The following RASAL2 variants were observed in gnomAD, a reference collection of about 807,000 sequenced individuals.
The protein encoded by RASAL2 is RAS protein activator like 2.
Under a neutral mutation model 128.9 loss-of-function variants are expected in RASAL2, and 58 were observed. The ratio of observed to expected loss-of-function variants is 0.45; its 90% CI spans 0.36 to 0.56. RASAL2 has a LOEUF of 0.56. RASAL2 is among the 20% of genes least tolerant of loss of function. The pLI is 0.00. For missense variants in RASAL2, 1,360 were observed against 1,601.6 expected (o/e 0.85, Z 2.57); for synonymous variants, 561 against 580.8 (o/e 0.97, Z 0.49).
intron 1 of RASAL2, among the ~76,000 whole-genome samples, chr1:178,170,354 T>TTA (rs1419334488): frequency 2.0e-5 from 3 of 151,402 alleles, no homozygotes; most frequent in South Asian, 2.1e-4. Flanking sequence ...TAAAGATATA[T>TTA]TATATATATA....
chr1:178,454,433 A>G lies in RASAL2; in HGVS notation c.2010-14A>G. 1 of 1,573,856 alleles carries G rather than the reference A, an allele frequency of 6.4e-7. No homozygotes were observed. Among genetic ancestry groups the G allele is most frequent in the Non-Finnish European group, 8.7e-7 (1 of 1,144,120 alleles). On this transcript the variant is annotated splice_polypyrimidine_tract_variant and intron_variant, in intron 11 of 17. Coordinates refer to ENST00000367649, the MANE Select transcript of RASAL2 (RefSeq NM_170692.4). ...TGAATATGTTCTTTCTCATTTTCTCATCCTCTACTTCAGGTTTGGTAACAA... is the reference window on the plus strand; with the variant it reads ...TGAATATGTTCTTTCTCATTTTCTCGTCCTCTACTTCAGGTTTGGTAACAA...
chr1:178,099,624 A>G (rs1398306478), intron 1 of RASAL2, among the ~76,000 whole-genome samples: 1 of 152,258 alleles, frequency 6.6e-6, no homozygotes, highest in East Asian at 1.9e-4. Flanking sequence ...CTCTTTTCCA[A>G]AACCATTTGG....
intron 1 of RASAL2, among the ~76,000 whole-genome samples, chr1:178,149,450 AT>A (rs1273202663): frequency 4.0e-5 from 6 of 151,750 alleles, no homozygotes; most frequent in Non-Finnish European, 8.8e-5. Context: ...TAACCTCAAA[AT>A]TTTTGCCAGT....
rs759408001 is a variant in RASAL2, at chr1:178,473,264, A to G, written c.*25A>G. On this transcript the variant is annotated 3_prime_UTR_variant, in exon 18 of 18. Transcript: ENST00000367649. ...ACGGGCTTTGTCTGTGGAAGGAGAC[A>G]GAAGGAAATTGACCCACTCTCCTAT... is the stretch of plus-strand genomic sequence containing the variant. The G allele has an allele frequency of 8.7e-6, 14 of 1,613,808 alleles. No homozygotes were observed. Among genetic ancestry groups the G allele is most frequent in the Non-Finnish European group, 1.1e-5 (13 of 1,179,738 alleles).
intron 1 of RASAL2, among the ~76,000 whole-genome samples, chr1:178,177,335 G>T (rs1392483114): frequency 1.3e-5 from 2 of 152,142 alleles, no homozygotes; most frequent in Admixed American, 6.6e-5. Flanking sequence ...AGCTTAATTT[G>T]TAGTAATCTA....
At chr1:178,358,945 T>C (rs1011671743) in intron 3 of RASAL2, among the ~76,000 whole-genome samples, 2 of 152,172 alleles carry the variant, frequency 1.3e-5, no homozygotes, top group Non-Finnish European at 2.9e-5. Context: ...TCTAAATTTG[T>C]TGTTATATTC....
chr1:178,158,659 A>G (rs558143099), intron 1 of RASAL2, among the ~76,000 whole-genome samples: 1 of 152,386 alleles, frequency 6.6e-6, no homozygotes, highest in African/African-American at 2.4e-5. Flanking sequence ...AGCTAATAGA[A>G]GAATCGTTAG....
intron 1 of RASAL2, among the ~76,000 whole-genome samples, chr1:178,130,979 G>A (rs528489620): frequency 8.6e-4 from 130 of 151,472 alleles, no homozygotes; most frequent in Non-Finnish European, 1.6e-3. Context: ...GCGTGAACCC[G>A]GGAGGCGGAG....
intron 1 of RASAL2, among the ~76,000 whole-genome samples, chr1:178,271,506 C>T (rs985733101): frequency 3.3e-5 from 5 of 152,158 alleles, no homozygotes; most frequent in Non-Finnish European, 7.4e-5. Flanking sequence ...CATTATGGAG[C>T]TCTTGGAGCA....
chr1:178,359,887 GA>G (rs1557928607), intron 3 of RASAL2, among the ~76,000 whole-genome samples: 2 of 151,918 alleles, frequency 1.3e-5, no homozygotes, highest in Admixed American at 6.6e-5. Flanking sequence ...GATAGAAGAA[GA>G]AAAAAAATTG....
At chr1:178,314,407 A>G (rs966231939) in intron 3 of RASAL2, among the ~76,000 whole-genome samples, 2 of 152,214 alleles carry the variant, frequency 1.3e-5, no homozygotes, top group Non-Finnish European at 2.9e-5. Context: ...CAGCTTTTAA[A>G]GTACCGCAGC....
At chr1:178,106,541 C>T (rs147041794) in intron 1 of RASAL2, among the ~76,000 whole-genome samples, 79 of 152,222 alleles carry the variant, frequency 5.2e-4, no homozygotes, top group African/African-American at 1.8e-3. Flanking sequence ...TACCAAGTAA[C>T]GAAAGATATG....
Position 178,130,514 on chromosome 1 carries a change from G to GTGTA in RASAL2, c.202+35821_202+35824dup, listed in dbSNP as rs149116002. 7.7e-3 allele frequency among the ~76,000 whole-genome samples: 1,166 copies of GTGTA among 152,154 alleles called. 9 individuals are homozygous for GTGTA. The highest frequency in any genetic ancestry group is 0.011 in the Non-Finnish European group (729 of 68,008). ...TTTATTCTTTTACTTATTATATATTGTGTACAAGTTAGTTCTTGAATGCGG... is the reference window on the plus strand; with the variant it reads ...TTTATTCTTTTACTTATTATATATTGTGTATGTACAAGTTAGTTCTTGAATGCGG... On this transcript the variant is annotated intron_variant, in intron 1 of 17. Transcript: ENST00000367649.
chr1:178,212,792 C>T (rs111878181), intron 1 of RASAL2, among the ~76,000 whole-genome samples: 2,187 of 152,206 alleles, frequency 0.014, 57 homozygotes, highest in African/African-American at 0.049. Flanking sequence ...GCCGCCGTGC[C>T]CGGCCACTTC....
intron 1 of RASAL2, among the ~76,000 whole-genome samples, chr1:178,239,866 A>T (rs1664416052): frequency 6.6e-6 from 1 of 152,012 alleles, no homozygotes; most frequent in African/African-American, 2.4e-5. Context: ...CTTGAGCTGG[A>T]TGGAGGTGTT....
chr1:178,218,664 C>T (rs868552361), intron 1 of RASAL2, among the ~76,000 whole-genome samples: 1 of 152,058 alleles, frequency 6.6e-6, no homozygotes, highest in African/African-American at 2.4e-5. Context: ...CCAGCCTGGG[C>T]GACAAGAGCG....
At chr1:178,122,525 T>A (rs1659754416) in intron 1 of RASAL2, among the ~76,000 whole-genome samples, 2 of 152,166 alleles carry the variant, frequency 1.3e-5, no homozygotes, top group Non-Finnish European at 2.9e-5. Context: ...ACACTAGAAG[T>A]CATTTATCTA....
intron 2 of RASAL2, among the ~76,000 whole-genome samples, chr1:178,296,192 A>T (rs993456333): frequency 5.3e-5 from 8 of 151,368 alleles, no homozygotes; most frequent in African/African-American, 1.9e-4. Flanking sequence ...TATATATATA[A>T]ATATGTGCCA....
chr1:178,162,395 T>A (rs1221276519), intron 1 of RASAL2, among the ~76,000 whole-genome samples: 2 of 113,962 alleles, frequency 1.8e-5, no homozygotes, highest in African/African-American at 3.5e-5. Flanking sequence ...ATTATATATA[T>A]TATATATTTT....
Sources: gnomAD v4.1 joint callset for allele counts (sites outside exome capture counted in the v4.1 genomes callset) on GRCh38, gnomAD v4.1.1 for gene constraint, MANE v1.5 for transcripts, NCBI Gene and HGNC (gene_info 2026-07-23, HGNC 2026-07-21) for gene names.